The following PPARGC1B variants were observed in gnomAD, a reference collection of about 807,000 sequenced individuals.
PPARGC1B encodes the protein peroxisome proliferator-activated receptor gamma coactivator 1-beta.
PPARGC1B carries 34 observed loss-of-function variants against 101.6 expected under a neutral mutation model. The observed-to-expected ratio is 0.33, with a 90% CI of 0.25 to 0.45. The LOEUF is 0.45. Among genes scored for constraint, PPARGC1B ranks in the 20% least tolerant of loss-of-function variants. The pLI is 1.00. For missense variants in PPARGC1B, 1,234 were observed against 1,317.6 expected (o/e 0.94, Z 0.98); for synonymous variants, 548 against 539.3 (o/e 1.02, Z -0.22).
chr5:149,825,914 A>G (rs1030047028), intron 2 of PPARGC1B, among the ~76,000 whole-genome samples: 3 of 152,236 alleles, frequency 2.0e-5, no homozygotes, highest in African/African-American at 4.8e-5. Flanking sequence ...CAGTCATCAC[A>G]GTAGCAAGTG....
rs370944866 is a variant in PPARGC1B, at chr5:149,741,402, G to T, written c.78+10982G>T. On this transcript the variant is annotated intron_variant, in intron 1 of 11. Coordinates refer to ENST00000309241, the MANE Select transcript of PPARGC1B (RefSeq NM_133263.4). Reference sequence around the variant, plus strand: ...GGGAGGGCCCTGCCCTGGATCCTTGGCACTGAGGGCAACCCGGCCTTTATG... The same window carrying T: ...GGGAGGGCCCTGCCCTGGATCCTTGTCACTGAGGGCAACCCGGCCTTTATG... Among the ~76,000 whole-genome samples, 251 of 152,298 alleles carry T rather than the reference G, an allele frequency of 1.6e-3. 4 individuals carry two copies. The highest frequency in any genetic ancestry group is 5.8e-3 in the African/African-American group (241 of 41,576).
chr5:149,730,442 G>A lies in PPARGC1B; in HGVS notation c.78+22G>A. 6.5e-7 allele frequency: 1 copy of A among 1,526,944 alleles called. No homozygotes were observed. The highest frequency in any genetic ancestry group is 1.2e-5 in the South Asian group (1 of 81,204). 94.6% of individuals were successfully genotyped at this position (1,526,944 alleles called of 1,614,324 possible). ...GCAGGTACGGCCGGCTGGGGCTGCG[G>A]GCCCGGGGCCAGGGGTGCTGAGCTG... On this transcript the variant is annotated intron_variant, in intron 1 of 11. Transcript: ENST00000309241. This position sits in a 1 kb window ranked among gnomAD's most constrained non-coding sequence, Gnocchi z 4.0.
chr5:149,786,934 T>C (rs1197676905), intron 1 of PPARGC1B, among the ~76,000 whole-genome samples: 2 of 152,190 alleles, frequency 1.3e-5, no homozygotes, highest in South Asian at 2.1e-4. Context: ...CTTAGGGCTG[T>C]TTTGGCTGTG....
chr5:149,788,989 T>C (rs574029482), intron 1 of PPARGC1B, among the ~76,000 whole-genome samples: 2 of 152,132 alleles, frequency 1.3e-5, no homozygotes, highest in South Asian at 4.2e-4. Context: ...GACGAGTTAA[T>C]GGGGGGTGCA....
rs770020651 is a variant in PPARGC1B at position 149,832,689 on chromosome 5, A to T, written c.616A>T (p.Met206Leu). 4.5e-6 allele frequency: 7 copies of T among 1,558,066 alleles called. No individual in the cohort carries two copies. Among genetic ancestry groups the T allele is most frequent in the Non-Finnish European group, 6.1e-6 (7 of 1,148,968 alleles). The part of the protein sequence containing the change: ...DSTQDKKAPM[M>L]QSQSRSCTEL... ...CACCCAAGACAAGAAGGCTCCCATG[A>T]TGCAGTCTCAGAGCCGAAGTTGTAC... The change falls in exon 5 of 12, where the codon ATG (methionine) becomes TTG (leucine). Residue 206 changes from methionine (M) to leucine (L), a missense_variant. Physicochemically the swap from Met to Leu is conservative, Grantham distance 15. Around this residue, in one of 3 missense-constraint regions of PPARGC1B, gnomAD observed 734 missense variants for 768.4 expected, o/e 0.96. Transcript: ENST00000309241. This position sits in a 1 kb window ranked among gnomAD's most constrained non-coding sequence, Gnocchi z 4.9.
At chr5:149,827,368 G>T (rs561268651) in intron 3 of PPARGC1B, among the ~76,000 whole-genome samples, 1 of 152,146 alleles carries the variant, frequency 6.6e-6, no homozygotes, top group Non-Finnish European at 1.5e-5. Flanking sequence ...TCTACATTAG[G>T]GCTCTGCACG....
chr5:149,788,568 A>G (rs1040057563), intron 1 of PPARGC1B, among the ~76,000 whole-genome samples: 1 of 152,246 alleles, frequency 6.6e-6, no homozygotes, highest in Non-Finnish European at 1.5e-5. Context: ...CAGCCATCCC[A>G]TTACTGGATA....
chr5:149,817,852 C>A (rs1390356891), intron 1 of PPARGC1B: 1 of 456,396 alleles, frequency 2.2e-6, no homozygotes, highest in Non-Finnish European at 4.4e-6. Context: ...TATGGCCCAA[C>A]AGTTTCACTC....
intron 1 of PPARGC1B, among the ~76,000 whole-genome samples, chr5:149,788,825 G>A (rs1174800672): frequency 1.3e-5 from 2 of 152,114 alleles, no homozygotes; most frequent in East Asian, 1.9e-4. Flanking sequence ...CTATCGCAAG[G>A]ACAGAAAACC....
intron 10 of PPARGC1B, among the ~76,000 whole-genome samples, chr5:149,842,614 C>T (rs756980422): frequency 6.6e-6 from 1 of 152,236 alleles, no homozygotes; most frequent in Non-Finnish European, 1.5e-5. Context: ...ATTCTTTTAT[C>T]TAAACTTCCC....
At chr5:149,806,490 C>G (rs1031798181) in intron 1 of PPARGC1B, among the ~76,000 whole-genome samples, 1 of 152,198 alleles carries the variant, frequency 6.6e-6, no homozygotes, top group Non-Finnish European at 1.5e-5. Context: ...CTCGGTCTCT[C>G]CTGCCAGCCA....
intron 1 of PPARGC1B, 52 bp from the exon 2 acceptor site, chr5:149,820,381 G>T: frequency 6.4e-7 from 1 of 1,551,892 alleles, no homozygotes; most frequent in South Asian, 1.2e-5. Context: ...GCCCCTGCTT[G>T]GGTCTAGCCA....
rs1321520049 is a variant in PPARGC1B, at chr5:149,836,211, C to A, written c.1808-52C>A. ...GCCCCAAACTTAGGGTCTTAGTGTC[C>A]CTTGGAGAAGTGATCTGTCTTTATC... On this transcript the variant is annotated intron_variant, in intron 7 of 11. Transcript: ENST00000309241. The A allele has an allele frequency of 4.9e-6, 7 of 1,441,280 alleles. 1 individual carries two copies. The allele number at this position is 1,441,280 out of a possible 1,614,324, so 89.3% of individuals were successfully genotyped here. A position where few individuals can be genotyped will look rare whatever the true frequency, so the allele number is the denominator to read the frequency against.
chr5:149,835,227 C>A, intron 6 of PPARGC1B, 74 bp from the exon 7 acceptor site: 1 of 1,374,764 alleles, frequency 7.3e-7, no homozygotes, highest in Non-Finnish European at 1.0e-6. Context: ...TCCCTGCGAC[C>A]CTTTCATGGG....
rs374739517 is a variant in PPARGC1B at position 149,804,862 on chromosome 5, G to A, written c.79-15571G>A. Among the ~76,000 whole-genome samples, 37 of 152,332 alleles carry A rather than the reference G, an allele frequency of 2.4e-4. No homozygotes were observed. The East Asian group carries it at 3.3e-3, about 14-fold the overall frequency. The stretch of plus-strand genomic sequence containing the variant: ...AAGGAAGAAGGCCACCATGCCTACT[G>A]TATAGGGAGGGTGGGAGAGTCCAGG... On this transcript the variant is annotated intron_variant, in intron 1 of 11. Coordinates refer to ENST00000309241, the MANE Select transcript of PPARGC1B (RefSeq NM_133263.4).
chr5:149,770,156 A>G (rs531357385), intron 1 of PPARGC1B, among the ~76,000 whole-genome samples: 1 of 151,796 alleles, frequency 6.6e-6, no homozygotes, highest in African/African-American at 2.4e-5. Context: ...CTTTTTTAAT[A>G]TTTATTTTTA....
rs12519396 is a variant in PPARGC1B at position 149,735,138 on chromosome 5, A to G, written c.78+4718A>G. ...TTTGCCCATTCTTTATCTGTGTGAGACTTAGGGAGAGTAACTTCTTCACCT... is the reference window on the plus strand; with the variant it reads ...TTTGCCCATTCTTTATCTGTGTGAGGCTTAGGGAGAGTAACTTCTTCACCT... On this transcript the variant is annotated intron_variant, in intron 1 of 11. Transcript: ENST00000309241. Among the ~76,000 whole-genome samples the G allele has an allele frequency of 3.3e-3, 496 of 152,256 alleles. 1 individual carries two copies. The highest frequency in any genetic ancestry group is 6.8e-3 in the Middle Eastern group (2 of 294).
intron 1 of PPARGC1B, among the ~76,000 whole-genome samples, chr5:149,804,987 G>A (rs1044938316): frequency 6.6e-6 from 1 of 152,182 alleles, no homozygotes; most frequent in Admixed American, 6.5e-5. Context: ...TTTTCAGCAG[G>A]AGAGTGAGCG....
intron 1 of PPARGC1B, among the ~76,000 whole-genome samples, chr5:149,765,041 G>T (rs62382304): frequency 1.6e-4 from 22 of 137,648 alleles, no homozygotes; most frequent in Non-Finnish European, 3.6e-4. Flanking sequence ...GTTAGGAGAG[G>T]GTAGTACCCA....
Sources: allele counts gnomAD v4.1 joint callset (sites outside exome capture counted in the v4.1 genomes callset), GRCh38; gene constraint gnomAD v4.1.1; regional missense constraint gnomAD v4.1.1; non-coding constraint Gnocchi (gnomAD v3.1); transcripts MANE v1.5; gene names NCBI Gene and HGNC (gene_info 2026-07-23, HGNC 2026-07-21).